The following ALMS1 variants were observed in gnomAD, a reference collection of about 807,000 sequenced individuals.
ALMS1 encodes ALMS1 centrosome and basal body associated protein, also known as centrosome-associated protein ALMS1.
In ALMS1, 271 loss-of-function variants were observed where a neutral mutation model predicts 352.2. That is an observed-to-expected ratio of 0.77 (90% confidence interval 0.70 to 0.85). ALMS1 has a LOEUF of 0.85. Ranked by LOEUF, ALMS1 falls within the 40% of genes least tolerant of loss-of-function variation. The probability of loss-of-function intolerance (pLI) is 0.00; values close to 1 mark genes in which losing one functional copy is unlikely to be tolerated. For synonymous variants in ALMS1, 1,865 were observed against 1,761.2 expected (o/e 1.06, Z -1.48); for missense variants, 5,445 against 4,870.7 (o/e 1.12, Z -3.51).
At chr2:73,601,481 G>T in intron 19 of ALMS1, 45 bp downstream of exon 19, 1 of 1,602,892 alleles carries the variant, frequency 6.2e-7, no homozygotes, top group Non-Finnish European at 8.5e-7. Flanking sequence ...GTAGGGAGAA[G>T]AAGGGCAAGG....
intron 10 of ALMS1, among the ~76,000 whole-genome samples, chr2:73,515,683 C>T (rs980759828): frequency 5.9e-5 from 9 of 151,536 alleles, no homozygotes; most frequent in Admixed American, 2.0e-4. Flanking sequence ...TGACAGACCA[C>T]TAACTAAATT....
In ALMS1 at chr2:73,600,776, A is replaced by C; in HGVS notation, c.11767A>C (p.Ser3923Arg). Residue 3923 changes from serine to arginine, a missense_variant, in exon 18 of 23, where the codon AGT becomes CGT. Transcript: ENST00000613296. Reference protein sequence around the residue: ...SSSEAKLEENSDVTSWSEEKR... With the variant: ...SSSEAKLEENRDVTSWSEEKR... ...CAGCGAGGCTAAATTGGAAGAGAAC[A>C]GTGATGTGACTTCTTGGTCAGAAGA... 6.2e-7 allele frequency: 1 copy of C among 1,614,230 alleles called. No individual in the cohort carries two copies. Among genetic ancestry groups the C allele is most frequent in the South Asian group, 1.1e-5 (1 of 91,086 alleles).
chr2:73,406,238 G>C (rs1437763470), intron 1 of ALMS1, among the ~76,000 whole-genome samples: 1 of 152,080 alleles, frequency 6.6e-6, no homozygotes, highest in Admixed American at 6.6e-5. Context: ...ACCCCATAGT[G>C]TTCTCCTTTG....
At chr2:73,550,178 G>C in intron 12 of ALMS1, 89 bp from the exon 13 acceptor site, 1 of 1,426,444 alleles carries the variant, frequency 7.0e-7, no homozygotes, top group Admixed American at 1.8e-5. Context: ...TTTTTTCATA[G>C]AATTGGTCTA....
At position 73,436,232 on chromosome 2, in the gene ALMS1, T is replaced by G. The variant is rs530031361; in HGVS notation, c.1432+3941T>G. ...CACTATCTTCTGGCCTTCATAGTTT[T>G]GGATGAGAAGTCAGCTGTTATCTTA... On this transcript the variant is annotated intron_variant, in intron 7 of 22. Coordinates refer to ENST00000613296, the MANE Select transcript of ALMS1 (RefSeq NM_001378454.1). Among the ~76,000 whole-genome samples the G allele has an allele frequency of 2.8e-4, 42 of 152,356 alleles. 1 individual carries two copies. The highest frequency in any genetic ancestry group is 9.9e-4 in the African/African-American group (41 of 41,584).
Position 73,489,809 on chromosome 2 carries a change from A to G in ALMS1, c.7850A>G (p.Gln2617Arg), listed in dbSNP as rs749293224. The change falls in exon 10 of 23, where the codon CAG (glutamine) becomes CGG (arginine). Residue 2617 changes from glutamine to arginine, a missense_variant. Coordinates refer to ENST00000613296, the MANE Select transcript of ALMS1 (RefSeq NM_001378454.1). The stretch of plus-strand genomic sequence containing the variant: ...CCCTCAGAAATGACCAGAGGACGGC[A>G]GAACCCATCATCATGCAGAGCCAAG... ...AGPSEMTRGR[Q>R]NPSSCRAKHV... 1.9e-6 allele frequency: 3 copies of G among 1,614,062 alleles called. No homozygotes were observed. The Admixed American group carries it at 5.0e-5, about 27-fold the overall frequency.
intron 9 of ALMS1, among the ~76,000 whole-genome samples, chr2:73,463,006 T>C (rs529266649): frequency 2.8e-4 from 42 of 152,232 alleles, no homozygotes; most frequent in African/African-American, 9.9e-4. Flanking sequence ...ACAATAACAA[T>C]GGGAGACTTT....
chr2:73,453,665 C>T lies in ALMS1; in HGVS notation c.7138C>T (p.Gln2380Ter). The T allele has an allele frequency of 1.2e-6, 2 of 1,614,022 alleles. No individual in the cohort carries two copies. Among genetic ancestry groups the T allele is most frequent in the South Asian group, 1.1e-5 (1 of 91,076 alleles). The change falls in exon 8 of 23, where the codon CAA becomes TAA. Residue 2380 changes from glutamine to a stop codon, truncating the protein, a stop_gained. Coordinates refer to ENST00000613296, the MANE Select transcript of ALMS1 (RefSeq NM_001378454.1). LOFTEE classifies it high-confidence loss of function. ...VSMALEETLR[Q>*]YQAAKSVMRS... is the part of the protein sequence containing the mutation. Reference sequence around the variant, plus strand: ...TATGGCATTAGAAGAAACTCTTAGGCAATATCAAGCAGCCAAATCTGTAAT... The same window carrying T: ...TATGGCATTAGAAGAAACTCTTAGGTAATATCAAGCAGCCAAATCTGTAAT...
intron 10 of ALMS1, among the ~76,000 whole-genome samples, chr2:73,504,969 G>C (rs7588169): frequency 0.38 from 58,025 of 152,016 alleles, 15,396 homozygotes; most frequent in African/African-American, 0.75. Context: ...TGAGAACATG[G>C]AGTGTTTGGT....
Position 73,455,178 on chromosome 2 carries a change from C to T in ALMS1, c.7557C>T (p.Phe2519=), listed in dbSNP as rs2103797357. Residue 2519 remains phenylalanine (F), a synonymous_variant, in exon 9 of 23, where the codon TTC becomes TTT. Transcript: ENST00000613296. ...TCTCTCCAGCCTGGAATATGAAGTTCAATTTAGCACATGATTGTGGATACT... is the reference window on the plus strand; with the variant it reads ...TCTCTCCAGCCTGGAATATGAAGTTTAATTTAGCACATGATTGTGGATACT... ...RVRAHAWNMK[F]NLAHDCGYSI... is the part of the protein sequence containing the mutation. 6.2e-7 allele frequency: 1 copy of T among 1,613,130 alleles called. No homozygotes were observed. Among genetic ancestry groups the T allele is most frequent in the Non-Finnish European group, 8.5e-7 (1 of 1,179,716 alleles).
intron 1 of ALMS1, among the ~76,000 whole-genome samples, chr2:73,404,291 C>T (rs1336481197): frequency 2.0e-5 from 3 of 152,088 alleles, no homozygotes; most frequent in South Asian, 2.1e-4. Flanking sequence ...CTTGCCTAAT[C>T]GCTTTAGTAG....
intron 1 of ALMS1, among the ~76,000 whole-genome samples, chr2:73,388,440 C>G (rs1406197010): frequency 6.6e-6 from 1 of 152,156 alleles, no homozygotes; most frequent in African/African-American, 2.4e-5. Flanking sequence ...GCCCTTCTCT[C>G]CTCCTTCTGG....
At chr2:73,590,132 T>A (rs1573044709) in intron 16 of ALMS1, among the ~76,000 whole-genome samples, 1 of 152,050 alleles carries the variant, frequency 6.6e-6, no homozygotes, top group South Asian at 2.1e-4. Flanking sequence ...GTTTTTCATA[T>A]AATTTACAGT....
Position 73,385,837 on chromosome 2 carries a change from T to G in ALMS1, c.-32T>G. The G allele has an allele frequency of 3.1e-6, 2 of 648,402 alleles. No individual in the cohort carries two copies. Among genetic ancestry groups the G allele is most frequent in the Non-Finnish European group, 5.6e-6 (2 of 354,822 alleles). The allele number at this position is 648,402 out of a possible 1,614,324, so 40.2% of individuals were successfully genotyped here. On this transcript the variant is annotated 5_prime_UTR_variant, in exon 1 of 23. Transcript: ENST00000613296. The stretch of plus-strand genomic sequence containing the variant: ...CTTCCCCTCCCTCCCCCCCTCCTCC[T>G]CCTCCTCTGCCGCCCAGAGCGAGAC...
At chr2:73,465,916 A>G (rs1464170617) in intron 9 of ALMS1, among the ~76,000 whole-genome samples, 2 of 152,260 alleles carry the variant, frequency 1.3e-5, no homozygotes, top group African/African-American at 2.4e-5. Flanking sequence ...AGAGAAATGC[A>G]AATCAAAACC....
intron 1 of ALMS1, among the ~76,000 whole-genome samples, chr2:73,401,262 TCTC>T (rs1353325387): frequency 6.6e-6 from 1 of 152,198 alleles, no homozygotes; most frequent in Non-Finnish European, 1.5e-5. Flanking sequence ...TTTATTTTCT[TCTC>T]CTCACTTTAA....
chr2:73,545,956 A>C (rs1422946849), intron 12 of ALMS1, among the ~76,000 whole-genome samples: 2 of 152,162 alleles, frequency 1.3e-5, no homozygotes, highest in Non-Finnish European at 2.9e-5. Context: ...GTATGATTCT[A>C]GAGTTTGAAG....
chr2:73,451,037 G>C lies in ALMS1; in HGVS notation c.4510G>C (p.Val1504Leu). 6.2e-7 allele frequency: 1 copy of C among 1,612,362 alleles called. No homozygotes were observed. Among genetic ancestry groups the C allele is most frequent in the African/African-American group, 1.3e-5 (1 of 74,368 alleles). The change falls in exon 8 of 23, where the codon GTT (valine) becomes CTT (leucine). Residue 1504 changes from valine to leucine, a missense_variant. Val to Leu is a conservative substitution (Grantham distance 32, BLOSUM62 1). Coordinates refer to ENST00000613296, the MANE Select transcript of ALMS1 (RefSeq NM_001378454.1). Reference protein sequence around the residue: ...HLPEESLKVSVAPGPVGQTTG... With the variant: ...HLPEESLKVSLAPGPVGQTTG... The stretch of plus-strand genomic sequence containing the variant: ...ACCTGAAGAGTCTCTGAAAGTTTCA[G>C]TTGCTCCTGGACCAGTTGGCCAGAC...
At chr2:73,592,082 G>A (rs911292091) in intron 16 of ALMS1, among the ~76,000 whole-genome samples, 7 of 152,068 alleles carry the variant, frequency 4.6e-5, no homozygotes, top group Non-Finnish European at 1.0e-4. Flanking sequence ...CTTAACTATT[G>A]TTTGAATTTT....
Sources: gnomAD v4.1 joint callset for allele counts (sites outside exome capture counted in the v4.1 genomes callset) on GRCh38, gnomAD v4.1.1 for gene constraint, MANE v1.5 for transcripts, NCBI Gene and HGNC (gene_info 2026-07-23, HGNC 2026-07-21) for gene names.